Variants in ROBO1 observed in about 807,000 individuals in gnomAD.
The protein encoded by ROBO1 is roundabout homolog 1.
ROBO1 carries 149 observed loss-of-function variants against 195.9 expected under a neutral mutation model. The ratio of observed to expected loss-of-function variants is 0.76; its 90% CI spans 0.67 to 0.87. The LOEUF is 0.87. ROBO1 is among the 40% of genes least tolerant of loss of function. The probability of loss-of-function intolerance (pLI) is 0.00; values close to 1 mark genes in which losing one functional copy is unlikely to be tolerated. For synonymous variants in ROBO1, 816 were observed against 733.2 expected (o/e 1.11, Z -1.82); for missense variants, 1,933 against 2,068.3 (o/e 0.93, Z 1.27).
intron 2 of ROBO1, among the ~76,000 whole-genome samples, chr3:79,330,784 G>A (rs187865220): frequency 3.3e-5 from 5 of 151,848 alleles, no homozygotes; most frequent in Admixed American, 6.6e-5. Flanking sequence ...TGTAGTTAAA[G>A]GGACTGGCCT....
At chr3:79,358,600 G>C (rs2035650554) in intron 2 of ROBO1, among the ~76,000 whole-genome samples, 1 of 151,990 alleles carries the variant, frequency 6.6e-6, no homozygotes, top group Non-Finnish European at 1.5e-5. Context: ...AGGTGTGTCT[G>C]GGTGTGCTTT....
intron 2 of ROBO1, among the ~76,000 whole-genome samples, chr3:79,142,510 C>T (rs1043427602): frequency 8.5e-5 from 13 of 152,148 alleles, no homozygotes; most frequent in African/African-American, 2.4e-4. Context: ...TCATAATACA[C>T]TTAATTGTAT....
chr3:78,703,493 G>T (rs1358587520), intron 8 of ROBO1, among the ~76,000 whole-genome samples: 2 of 151,764 alleles, frequency 1.3e-5, no homozygotes, highest in East Asian at 3.9e-4. Context: ...TGTCTTTTTT[G>T]GTTTTCTTTT....
At chr3:79,730,769 T>C (rs78242843) in intron 1 of ROBO1, among the ~76,000 whole-genome samples, 4 of 19,676 alleles carry the variant, frequency 2.0e-4, no homozygotes, top group African/African-American at 3.1e-4. Flanking sequence ...CTGTATTTCC[T>C]TTTTTTTTTT....
intron 1 of ROBO1, among the ~76,000 whole-genome samples, chr3:79,716,078 C>T (rs1306741278): frequency 6.6e-6 from 1 of 151,950 alleles, no homozygotes; most frequent in East Asian, 1.9e-4. Context: ...ATAGAGGTAA[C>T]ATTCTATGAA....
chr3:79,536,515 A>G (rs897724350), intron 2 of ROBO1, among the ~76,000 whole-genome samples: 11 of 152,170 alleles, frequency 7.2e-5, no homozygotes, highest in Non-Finnish European at 1.0e-4. Flanking sequence ...TGGGATTTCA[A>G]TTTGGATCTG....
chr3:78,658,203 C>T (rs573757759), intron 17 of ROBO1, among the ~76,000 whole-genome samples: 34 of 152,238 alleles, frequency 2.2e-4, no homozygotes, highest in Non-Finnish European at 4.3e-4. Flanking sequence ...TGATCTTCTG[C>T]GATGTTTAAG....
intron 2 of ROBO1, among the ~76,000 whole-genome samples, chr3:79,365,965 C>G (rs1166658230): frequency 1.3e-5 from 2 of 151,532 alleles, no homozygotes; most frequent in African/African-American, 4.8e-5. Flanking sequence ...TGGGTTACAT[C>G]TCTTCCAGAC....
chr3:79,465,213 G>T (rs2107286119), intron 2 of ROBO1, among the ~76,000 whole-genome samples: 1 of 152,224 alleles, frequency 6.6e-6, no homozygotes, highest in African/African-American at 2.4e-5. Context: ...AGATGTAACA[G>T]GGGTGCTTAT....
At chr3:79,673,389 G>A (rs1056995673) in intron 1 of ROBO1, among the ~76,000 whole-genome samples, 3 of 151,774 alleles carry the variant, frequency 2.0e-5, no homozygotes, top group African/African-American at 7.3e-5. Context: ...AAATATGAGA[G>A]ATTTAATGTT....
intron 4 of ROBO1, among the ~76,000 whole-genome samples, chr3:78,777,329 T>C (rs1388988237): frequency 3.3e-5 from 5 of 152,180 alleles, no homozygotes; most frequent in Non-Finnish European, 7.3e-5. Flanking sequence ...GCTAGTGATG[T>C]CAATTTAAAG....
intron 2 of ROBO1, among the ~76,000 whole-genome samples, chr3:79,462,626 A>G (rs1937711925): frequency 1.3e-5 from 2 of 152,238 alleles, no homozygotes; most frequent in Non-Finnish European, 2.9e-5. Context: ...AAAGTTACCT[A>G]CGAAATAATA....
intron 1 of ROBO1, among the ~76,000 whole-genome samples, chr3:79,722,959 C>T (rs1702766581): frequency 6.6e-6 from 1 of 152,118 alleles, no homozygotes; most frequent in Admixed American, 6.6e-5. Context: ...AACAGTATTG[C>T]ATTTGACATA....
chr3:79,463,406 C>A (rs4368466), intron 2 of ROBO1, among the ~76,000 whole-genome samples: 97,565 of 149,166 alleles, frequency 0.65, 32,976 homozygotes, highest in African/African-American at 0.85. Flanking sequence ...AAACAAAAAA[C>A]AAAAAACCAC....
intron 4 of ROBO1, among the ~76,000 whole-genome samples, chr3:78,901,731 C>A (rs1439358213): frequency 6.6e-6 from 1 of 152,102 alleles, no homozygotes; most frequent in Non-Finnish European, 1.5e-5. Context: ...ATTTAGAAGA[C>A]ACATTAGCTC....
intron 2 of ROBO1, among the ~76,000 whole-genome samples, chr3:79,299,376 T>C (rs939653254): frequency 2.6e-5 from 4 of 152,202 alleles, no homozygotes; most frequent in Non-Finnish European, 1.5e-5. Context: ...GATTAACATG[T>C]GGCTTATTGG....
intron 3 of ROBO1, among the ~76,000 whole-genome samples, chr3:78,967,227 C>T (rs984738764): frequency 8.5e-5 from 13 of 152,216 alleles, no homozygotes; most frequent in Admixed American, 4.6e-4. Flanking sequence ...CTGCTTCCCT[C>T]GGCAAGGGAA....
At chr3:78,960,501 C>T (rs994758109) in intron 3 of ROBO1, among the ~76,000 whole-genome samples, 1 of 151,772 alleles carries the variant, frequency 6.6e-6, no homozygotes, top group Non-Finnish European at 1.5e-5. Context: ...CATAATGGGT[C>T]CGGGTGTGGT....
intron 2 of ROBO1, among the ~76,000 whole-genome samples, chr3:79,329,372 C>T (rs1478152807): frequency 6.6e-6 from 1 of 152,156 alleles, no homozygotes. Context: ...TTCCTCTCAT[C>T]GTGTGTGACT....
Sources: allele counts gnomAD v4.1 joint callset (sites outside exome capture counted in the v4.1 genomes callset), GRCh38; gene constraint gnomAD v4.1.1; transcripts MANE v1.5; gene names NCBI Gene and HGNC (gene_info 2026-07-23, HGNC 2026-07-21).